POMP: variants seen among roughly 807,000 people sequenced by gnomAD.
POMP encodes the protein 2510048O06Rik.
In POMP, 12 loss-of-function variants were observed where a neutral mutation model predicts 20.6. That is an observed-to-expected ratio of 0.58 (90% CI 0.37 to 0.94). The LOEUF (loss-of-function observed/expected upper bound fraction) is 0.94, where lower values mean the gene tolerates loss of function less well. Ranked by LOEUF, POMP falls within the 40% of genes least tolerant of loss-of-function variation. POMP has a pLI of 0.01. For missense variants in POMP, 136 were observed against 161.1 expected (o/e 0.84, Z 0.84); for synonymous variants, 53 against 55.0 (o/e 0.96, Z 0.16).
intron 3 of POMP, among the ~76,000 whole-genome samples, chr13:28,665,317 G>GTTGT (rs767364783): frequency 6.6e-6 from 1 of 152,130 alleles, no homozygotes. Flanking sequence ...TTTTGTTTTT[G>GTTGT]TTGTTTGTTT....
Position 28,664,576 on chromosome 13 carries a change from A to G in POMP, c.162+7A>G. The G allele has an allele frequency of 1.4e-6, 2 of 1,455,174 alleles. No homozygotes were observed. Among genetic ancestry groups the G allele is most frequent in the Non-Finnish European group, 1.9e-6 (2 of 1,040,194 alleles). The allele number at this position is 1,455,174 out of a possible 1,614,324, so 90.1% of individuals were successfully genotyped here. A position where few individuals can be genotyped will look rare whatever the true frequency, so the allele number is the denominator to read the frequency against. The stretch of plus-strand genomic sequence containing the variant: ...TGAATTATCAGAAAAAAATGTAAGT[A>G]TATTATTATGTCCTTATTTTTATCT... On this transcript the variant is annotated splice_region_variant and intron_variant, in intron 3 of 5. Transcript: ENST00000380842.
chr13:28,670,813 G>T (rs1156385077), intron 4 of POMP, among the ~76,000 whole-genome samples: 2 of 152,162 alleles, frequency 1.3e-5, no homozygotes, highest in Admixed American at 1.3e-4. Flanking sequence ...TTGGGAGGCC[G>T]AGGCAGATGG....
At chr13:28,668,363 A>G (rs1884482820) in intron 3 of POMP, 110 bp from the exon 4 acceptor site, 2 of 762,722 alleles carry the variant, frequency 2.6e-6, no homozygotes, top group East Asian at 2.7e-5. Context: ...TATTACAGGT[A>G]TGGATATTAA....
At chr13:28,662,166 C>A (rs1285897389) in intron 1 of POMP, among the ~76,000 whole-genome samples, 1 of 152,148 alleles carries the variant, frequency 6.6e-6, no homozygotes, top group East Asian at 1.9e-4. Context: ...GAATGCCTTT[C>A]AAACTGACAG....
intron 5 of POMP, among the ~76,000 whole-genome samples, chr13:28,676,353 A>G (rs1884628926): frequency 6.6e-6 from 1 of 152,176 alleles, no homozygotes; most frequent in Non-Finnish European, 1.5e-5. Flanking sequence ...CATCCAAACC[A>G]TATCAACTAC....
intron 2 of POMP, 63 bp downstream of exon 2, chr13:28,662,570 A>C: frequency 7.4e-7 from 1 of 1,355,006 alleles, no homozygotes; most frequent in Non-Finnish European, 1.1e-6. Flanking sequence ...AATATTCTTT[A>C]AGTATTTTGA....
At chr13:28,677,343 G>C (rs1479998602) in intron 5 of POMP, among the ~76,000 whole-genome samples, 1 of 151,858 alleles carries the variant, frequency 6.6e-6, no homozygotes, top group Admixed American at 6.6e-5. Flanking sequence ...TTATGTGCAG[G>C]GTTATTCATT....
rs958796505 is a variant in POMP, at chr13:28,678,841, T to C, written c.*739T>C. The C allele has an allele frequency of 6.6e-6, 1 of 152,254 alleles. No homozygotes were observed. The highest frequency in any genetic ancestry group is 1.5e-5 in the Non-Finnish European group (1 of 68,048). 9.4% of individuals were successfully genotyped at this position (152,254 alleles called of 1,614,324 possible). ...TAAGGTATTCTTTATGAAGTTGATA[T>C]ATAAAAATTTACATTTTTAGAACAT... On this transcript the variant is annotated 3_prime_UTR_variant, in exon 6 of 6. Coordinates refer to ENST00000380842, the MANE Select transcript of POMP (RefSeq NM_015932.6).
In POMP at chr13:28,661,499, T is replaced by C. The variant is rs546285233; in HGVS notation, c.4-911T>C. On this transcript the variant is annotated intron_variant, in intron 1 of 5. Transcript: ENST00000380842. Reference sequence around the variant, plus strand: ...AATAAATAAAGTTAGCATCTCATGCTTTGCCTGTTGTAACACCATGTTTTC... The same window carrying C: ...AATAAATAAAGTTAGCATCTCATGCCTTGCCTGTTGTAACACCATGTTTTC... Among the ~76,000 whole-genome samples, 14 of 152,282 alleles carry C rather than the reference T, an allele frequency of 9.2e-5. No homozygotes were observed. In the East Asian group the frequency reaches 2.7e-3, roughly 29 times the overall value.
chr13:28,678,068 A>C lies in POMP; in HGVS notation c.392A>C (p.His131Pro). ...PSQSEVMGEPHLMVEYKLGLL is the reference protein window; with the variant it reads ...PSQSEVMGEPPLMVEYKLGLL ...CAAAGCGAAGTCATGGGAGAGCCAC[A>C]CTTGATGGTGGAATATAAACTTGGT... Residue 131 changes from histidine (H) to proline (P), a missense_variant, in exon 6 of 6, where the codon CAC becomes CCC. Physicochemically the swap from His to Pro is moderately conservative, Grantham distance 77. Transcript: ENST00000380842. The C allele has an allele frequency of 6.2e-7, 1 of 1,614,100 alleles. No homozygotes were observed. Among genetic ancestry groups the C allele is most frequent in the Non-Finnish European group, 8.5e-7 (1 of 1,179,974 alleles).
At chr13:28,662,866 G>C (rs1884370708) in intron 2 of POMP, among the ~76,000 whole-genome samples, 1 of 152,178 alleles carries the variant, frequency 6.6e-6, no homozygotes, top group African/African-American at 2.4e-5. Context: ...GCAGTTGAGA[G>C]ATTAAACTCT....
Position 28,664,417 on chromosome 13 carries a change from T to C in POMP, c.102-92T>C, listed in dbSNP as rs1298261209. The C allele has an allele frequency of 1.1e-5, 9 of 849,258 alleles. No homozygotes were observed. The East Asian group carries it at 2.1e-4, about 20-fold the overall frequency. The allele number at this position is 849,258 out of a possible 1,614,324, so 52.6% of individuals were successfully genotyped here. ...AGTTTTGTCACCCCAAAAAACTCTC[T>C]CATGCCATCCCTTTATAGATATGAT... On this transcript the variant is annotated intron_variant, in intron 2 of 5. Transcript: ENST00000380842.
intron 1 of POMP, 55 bp from the exon 2 acceptor site, chr13:28,662,355 G>A (rs1884357677): frequency 2.3e-6 from 3 of 1,323,048 alleles, no homozygotes; most frequent in Admixed American, 1.7e-5. Flanking sequence ...ACAGCTGCCT[G>A]GGTGTGTGTT....
Position 28,664,494 on chromosome 13 carries a change from T to C in POMP, c.102-15T>C, listed in dbSNP as rs763946919. 6.5e-7 allele frequency: 1 copy of C among 1,545,658 alleles called. No homozygotes were observed. Among genetic ancestry groups the C allele is most frequent in the South Asian group, 1.1e-5 (1 of 88,344 alleles). ...TTAATCTCCTCTAAATGTTTTTTTT[T>C]TAATGTCCTTTCAGTTTTTCTTGTG... On this transcript the variant is annotated splice_polypyrimidine_tract_variant and intron_variant, in intron 2 of 5. Coordinates refer to ENST00000380842, the MANE Select transcript of POMP (RefSeq NM_015932.6).
intron 5 of POMP, among the ~76,000 whole-genome samples, chr13:28,677,268 C>CT (rs1884645145): frequency 6.6e-6 from 1 of 151,780 alleles, no homozygotes. Context: ...TCTCCAGTCT[C>CT]TTAGGAGGTC....
intron 5 of POMP, 88 bp downstream of exon 5, chr13:28,672,520 A>G (rs1006422589): frequency 1.0e-5 from 10 of 993,592 alleles, no homozygotes; most frequent in Admixed American, 1.7e-5. Flanking sequence ...TCTTGTCCTC[A>G]TGGAACTTAC....
chr13:28,668,883 A>G (rs796741462), intron 4 of POMP, among the ~76,000 whole-genome samples: 11 of 152,208 alleles, frequency 7.2e-5, no homozygotes, highest in African/African-American at 2.4e-4. Flanking sequence ...TGTCAAGTAT[A>G]CAATTTGTAT....
Position 28,659,239 on chromosome 13 carries a change from T to C in POMP, c.3+52T>C, listed in dbSNP as rs771579292. The C allele has an allele frequency of 1.5e-5, 24 of 1,566,576 alleles. No homozygotes were observed. The South Asian group carries it at 1.6e-4, about 11-fold the overall frequency. On this transcript the variant is annotated intron_variant, in intron 1 of 5. Transcript: ENST00000380842. ...TTCCACGCGGGCTCGGGACCGTGGCTCGGCAGAAACAGGCAGTCGCCTCCC... is the reference window on the plus strand; with the variant it reads ...TTCCACGCGGGCTCGGGACCGTGGCCCGGCAGAAACAGGCAGTCGCCTCCC...
Position 28,665,127 on chromosome 13 carries a change from G to A in POMP, c.162+558G>A, listed in dbSNP as rs148339316. On this transcript the variant is annotated intron_variant, in intron 3 of 5. Transcript: ENST00000380842. ...CTTTTTTGGAAGGCTTTATAGAAGA[G>A]GAGGGACCTTTGAACAGTTTTAGAC... Among the ~76,000 whole-genome samples, 3 of 152,308 alleles carry A rather than the reference G, an allele frequency of 2.0e-5. No homozygotes were observed. In the East Asian group the frequency reaches 5.8e-4, roughly 29 times the overall value.
Sources: gnomAD v4.1 joint callset for allele counts (sites outside exome capture counted in the v4.1 genomes callset) on GRCh38, gnomAD v4.1.1 for gene constraint, MANE v1.5 for transcripts, NCBI Gene and HGNC (gene_info 2026-07-23, HGNC 2026-07-21) for gene names.